ENOX1: variants seen among roughly 807,000 people sequenced by gnomAD.
ENOX1 encodes ecto-NOX disulfide-thiol exchanger 1, also known as candidate growth-related and time keeping constitutive hydroquinone (NADH) oxidase.
In ENOX1, 42 loss-of-function variants were observed where a neutral mutation model predicts 82.5. The observed-to-expected ratio is 0.51, with a 90% CI of 0.40 to 0.66. The LOEUF is 0.66. Ranked by LOEUF, ENOX1 falls within the 30% of genes least tolerant of loss-of-function variation. The pLI is 0.00. For missense variants in ENOX1, 608 were observed against 811.6 expected, an observed-to-expected ratio of 0.75 and a Z score of 3.05; for synonymous variants, 271 against 282.2, an observed-to-expected ratio of 0.96 and a Z score of 0.40.
chr13:43,705,590 A>G (rs1047066733), intron 1 of ENOX1, among the ~76,000 whole-genome samples: 1 of 152,128 alleles, frequency 6.6e-6, no homozygotes, highest in African/African-American at 2.4e-5. Context: ...AAATGAGGGT[A>G]ATTTCATAAT....
At chr13:43,742,563 A>G (rs1045646402) in intron 1 of ENOX1, among the ~76,000 whole-genome samples, 4 of 152,148 alleles carry the variant, frequency 2.6e-5, no homozygotes, top group African/African-American at 9.7e-5. Flanking sequence ...TACTCAGTCT[A>G]CCAATTCAAA....
intron 3 of ENOX1, among the ~76,000 whole-genome samples, chr13:43,420,327 A>G (rs1034145095): frequency 6.6e-6 from 1 of 152,222 alleles, no homozygotes; most frequent in Non-Finnish European, 1.5e-5. Context: ...CTGTAGATCA[A>G]TCTTCCCACT....
At chr13:43,351,962 A>C (rs986933445) in intron 8 of ENOX1, among the ~76,000 whole-genome samples, 1 of 152,144 alleles carries the variant, frequency 6.6e-6, no homozygotes, top group African/African-American at 2.4e-5. Context: ...ACAGGCTCCT[A>C]TGTTTCATAT....
At chr13:43,284,713 A>ATACTT (rs2045586415) in intron 12 of ENOX1, among the ~76,000 whole-genome samples, 1 of 152,070 alleles carries the variant, frequency 6.6e-6, no homozygotes, top group Admixed American at 6.5e-5. Context: ...AAGTTCAAAT[A>ATACTT]TACTTTCTTC....
At chr13:43,562,785 T>C (rs2079740825) in intron 2 of ENOX1, among the ~76,000 whole-genome samples, 1 of 152,112 alleles carries the variant, frequency 6.6e-6, no homozygotes, top group African/African-American at 2.4e-5. Context: ...ACAAAACCTA[T>C]AAATGGAGAC....
chr13:43,752,722 A>T (rs1950386643), intron 1 of ENOX1, among the ~76,000 whole-genome samples: 1 of 152,078 alleles, frequency 6.6e-6, no homozygotes, highest in South Asian at 2.1e-4. Context: ...TGTTCCAAGG[A>T]TCTATTTTTC....
intron 1 of ENOX1, among the ~76,000 whole-genome samples, chr13:43,784,274 T>A (rs73190000): frequency 3.3e-5 from 5 of 152,314 alleles, no homozygotes; most frequent in Non-Finnish European, 5.9e-5. Flanking sequence ...CCCATCTAAA[T>A]TTAATAGGCC....
At chr13:43,394,985 A>T (rs1051361204) in intron 5 of ENOX1, among the ~76,000 whole-genome samples, 1 of 152,236 alleles carries the variant, frequency 6.6e-6, no homozygotes, top group Non-Finnish European at 1.5e-5. Flanking sequence ...CAATGGAAGC[A>T]CACATTCTAC....
intron 3 of ENOX1, among the ~76,000 whole-genome samples, chr13:43,455,965 T>A (rs2057206906): frequency 6.6e-6 from 1 of 152,182 alleles, no homozygotes. Flanking sequence ...TACTCAATCT[T>A]GGGTGTGTCT....
At chr13:43,304,522 A>G (rs1371381332) in intron 11 of ENOX1, among the ~76,000 whole-genome samples, 1 of 152,162 alleles carries the variant, frequency 6.6e-6, no homozygotes. Context: ...GTTTGCTCCT[A>G]ACAGAAGTAA....
intron 2 of ENOX1, among the ~76,000 whole-genome samples, chr13:43,567,597 G>T (rs1298187082): frequency 1.3e-5 from 2 of 152,022 alleles, no homozygotes; most frequent in Non-Finnish European, 2.9e-5. Flanking sequence ...TTATATTTAT[G>T]AAAAATAGGG....
At chr13:43,726,081 ATATACT>A (rs2088931399) in intron 1 of ENOX1, among the ~76,000 whole-genome samples, 3 of 152,304 alleles carry the variant, frequency 2.0e-5, no homozygotes, top group African/African-American at 7.2e-5. Context: ...TTAACAAGCC[ATATACT>A]TATACAACAA....
At chr13:43,565,680 T>C (rs940622760) in intron 2 of ENOX1, among the ~76,000 whole-genome samples, 5 of 152,232 alleles carry the variant, frequency 3.3e-5, no homozygotes, top group African/African-American at 1.2e-4. Flanking sequence ...TCTTGCCTTT[T>C]GTTTCCTTAG....
At chr13:43,299,330 G>A (rs940549626) in intron 11 of ENOX1, among the ~76,000 whole-genome samples, 22 of 151,994 alleles carry the variant, frequency 1.4e-4, no homozygotes, top group Admixed American at 1.4e-3. Context: ...TTGAGGGTAG[G>A]GAAATCCCTT....
At chr13:43,660,956 C>T (rs1354951543) in intron 2 of ENOX1, among the ~76,000 whole-genome samples, 1 of 152,158 alleles carries the variant, frequency 6.6e-6, no homozygotes, top group Admixed American at 6.6e-5. Flanking sequence ...CTCCATTTCT[C>T]ACAATAGTGG....
intron 1 of ENOX1, among the ~76,000 whole-genome samples, chr13:43,680,201 G>A (rs2085714036): frequency 2.0e-5 from 3 of 152,122 alleles, no homozygotes; most frequent in Non-Finnish European, 4.4e-5. Context: ...CTTTCTTAAA[G>A]TATGGTTTAA....
At chr13:43,519,779 G>A (rs551444454) in intron 2 of ENOX1, among the ~76,000 whole-genome samples, 4 of 152,222 alleles carry the variant, frequency 2.6e-5, no homozygotes, top group Non-Finnish European at 4.4e-5. Flanking sequence ...GACTTACCCC[G>A]TGAAGCCTGA....
chr13:43,729,425 A>T (rs2089194556), intron 1 of ENOX1, among the ~76,000 whole-genome samples: 1 of 151,816 alleles, frequency 6.6e-6, no homozygotes, highest in African/African-American at 2.4e-5. Context: ...AGCACAGGAA[A>T]CACTTAATTC....
chr13:43,639,316 A>G (rs938197460), intron 2 of ENOX1, among the ~76,000 whole-genome samples: 7 of 152,212 alleles, frequency 4.6e-5, no homozygotes, highest in African/African-American at 7.2e-5. Context: ...ATAAAAAATA[A>G]AAACTGTGAC....
Sources: allele counts gnomAD v4.1 joint callset (sites outside exome capture counted in the v4.1 genomes callset), GRCh38; gene constraint gnomAD v4.1.1; transcripts MANE v1.5; gene names NCBI Gene and HGNC (gene_info 2026-07-23, HGNC 2026-07-21).